Variants in AGK observed in about 807,000 individuals in gnomAD.
The protein encoded by AGK is acylglycerol kinase, mitochondrial.
Under a neutral mutation model 66.4 loss-of-function variants are expected in AGK, and 52 were observed. The ratio of observed to expected loss-of-function variants is 0.78; its 90% CI spans 0.63 to 0.99. The LOEUF (loss-of-function observed/expected upper bound fraction) is 0.99, where lower values mean the gene tolerates loss of function less well. Among genes scored for constraint, AGK ranks in the 50% least tolerant of loss-of-function variants. The pLI is 0.00. For missense variants in AGK, 451 were observed against 506.6 expected (o/e 0.89, Z 1.05); for synonymous variants, 182 against 181.1 (o/e 1.00, Z -0.04).
At chr7:141,625,479 A>T (rs1796919052) in intron 9 of AGK, among the ~76,000 whole-genome samples, 1 of 152,124 alleles carries the variant, frequency 6.6e-6, no homozygotes, top group South Asian at 2.1e-4. Flanking sequence ...CCTCCTAAGT[A>T]GCTGGGACTA....
intron 9 of AGK, among the ~76,000 whole-genome samples, chr7:141,626,247 A>G (rs1796935585): frequency 1.3e-5 from 2 of 152,336 alleles, no homozygotes; most frequent in South Asian, 4.1e-4. Flanking sequence ...AACAACAATG[A>G]TGGATCATAA....
chr7:141,602,564 G>T (rs573562675), intron 5 of AGK, among the ~76,000 whole-genome samples: 237 of 151,610 alleles, frequency 1.6e-3, no homozygotes, highest in African/African-American at 5.4e-3. Flanking sequence ...TTGTTTATTT[G>T]TACCCTCTCT....
At chr7:141,553,730 G>A (rs1201613575) in intron 1 of AGK, among the ~76,000 whole-genome samples, 1 of 152,112 alleles carries the variant, frequency 6.6e-6, no homozygotes, top group Non-Finnish European at 1.5e-5. Context: ...TCAGCCTGAC[G>A]GTGTATGGGA....
At chr7:141,642,267 C>G (rs1797308028) in intron 13 of AGK, among the ~76,000 whole-genome samples, 1 of 152,134 alleles carries the variant, frequency 6.6e-6, no homozygotes, top group South Asian at 2.1e-4. Context: ...ATTTTTGTGA[C>G]TGTACTAAAT....
In AGK at chr7:141,649,611, G is replaced by A. The variant is rs549966140; in HGVS notation, c.1046+278G>A. On this transcript the variant is annotated intron_variant, in intron 14 of 15. Transcript: ENST00000649286. Reference sequence around the variant, plus strand: ...AGCATGACACAGCGTCAAGAACTTTGGTTTCAGGGTCAAAGAGCTGAATGC... The same window carrying A: ...AGCATGACACAGCGTCAAGAACTTTAGTTTCAGGGTCAAAGAGCTGAATGC... Among the ~76,000 whole-genome samples the A allele has an allele frequency of 5.3e-5, 8 of 152,308 alleles. No individual in the cohort carries two copies. In the East Asian group the frequency reaches 1.5e-3, roughly 29 times the overall value.
At chr7:141,643,274 G>C (rs1797329563) in intron 13 of AGK, among the ~76,000 whole-genome samples, 1 of 152,094 alleles carries the variant, frequency 6.6e-6, no homozygotes, top group South Asian at 2.1e-4. Context: ...AAAGTAGTAG[G>C]GTAAATGGCA....
chr7:141,648,539 G>A (rs1797471700), intron 13 of AGK, among the ~76,000 whole-genome samples: 1 of 152,120 alleles, frequency 6.6e-6, no homozygotes, highest in African/African-American at 2.4e-5. Flanking sequence ...TGAACATTTT[G>A]AACCTACCCC....
At chr7:141,560,817 G>A (rs1466558769) in intron 2 of AGK, among the ~76,000 whole-genome samples, 4 of 112,748 alleles carry the variant, frequency 3.5e-5, no homozygotes, top group Non-Finnish European at 5.4e-5. Context: ...TTTTTTTTGA[G>A]CCGGAGTCTC....
intron 2 of AGK, among the ~76,000 whole-genome samples, chr7:141,592,780 T>C (rs902036992): frequency 2.0e-5 from 3 of 152,202 alleles, no homozygotes; most frequent in Admixed American, 2.0e-4. Flanking sequence ...CTCAGCTCAC[T>C]GCAACCTCTG....
chr7:141,564,408 AAGG>A (rs781015763), intron 2 of AGK, among the ~76,000 whole-genome samples: 30 of 152,186 alleles, frequency 2.0e-4, no homozygotes, highest in Non-Finnish European at 3.7e-4. Flanking sequence ...TGATGACAGC[AAGG>A]AGAAGTGCTG....
chr7:141,564,800 A>G (rs11770487), intron 2 of AGK, among the ~76,000 whole-genome samples: 71,485 of 151,296 alleles, frequency 0.47, 17,063 homozygotes, highest in East Asian at 0.58. Context: ...CATGATCTCC[A>G]CTCACCACAA....
At chr7:141,632,521 A>G (rs1467933717) in intron 9 of AGK, among the ~76,000 whole-genome samples, 1 of 152,210 alleles carries the variant, frequency 6.6e-6, no homozygotes, top group East Asian at 1.9e-4. Flanking sequence ...TCCACTTTTC[A>G]ACTTCCTGTG....
chr7:141,592,630 T>C (rs1028981745), intron 2 of AGK, among the ~76,000 whole-genome samples: 5 of 152,210 alleles, frequency 3.3e-5, no homozygotes, highest in African/African-American at 1.2e-4. Flanking sequence ...TATGGAAATA[T>C]TTAACACAGA....
intron 2 of AGK, among the ~76,000 whole-genome samples, chr7:141,569,823 TAGG>T (rs1055465488): frequency 1.3e-4 from 20 of 152,224 alleles, no homozygotes; most frequent in Admixed American, 1.1e-3. Flanking sequence ...CACTGTGTCT[TAGG>T]AGCGTGAGAG....
chr7:141,600,844 A>G (rs908473740), intron 4 of AGK, among the ~76,000 whole-genome samples: 3 of 152,144 alleles, frequency 2.0e-5, no homozygotes, highest in Admixed American at 6.6e-5. Flanking sequence ...ACCTGTGTCT[A>G]TCACACAGTA....
chr7:141,568,363 T>G (rs1795512262), intron 2 of AGK, among the ~76,000 whole-genome samples: 1 of 152,176 alleles, frequency 6.6e-6, no homozygotes, highest in East Asian at 1.9e-4. Flanking sequence ...TCCTCGCTCT[T>G]CCCAGCTCTG....
intron 2 of AGK, among the ~76,000 whole-genome samples, chr7:141,563,727 A>G (rs372441418): frequency 1.3e-4 from 20 of 152,138 alleles, no homozygotes; most frequent in African/African-American, 3.9e-4. Flanking sequence ...ACGGCCTTCT[A>G]TTATTCCAGT....
At chr7:141,599,349 C>G (rs1401632419) in intron 4 of AGK, 5 of 151,194 alleles carry the variant, frequency 3.3e-5, no homozygotes, top group African/African-American at 1.2e-4. Context: ...GCTAAAAGTA[C>G]CTAAGGTTTT....
chr7:141,602,816 A>C (rs562951000), intron 5 of AGK, among the ~76,000 whole-genome samples: 1 of 152,122 alleles, frequency 6.6e-6, no homozygotes, highest in East Asian at 1.9e-4. Flanking sequence ...GATCCACTCT[A>C]CTGCTTCAGC....
Sources: allele counts gnomAD v4.1 joint callset (sites outside exome capture counted in the v4.1 genomes callset), GRCh38; gene constraint gnomAD v4.1.1; transcripts MANE v1.5; gene names NCBI Gene and HGNC (gene_info 2026-07-23, HGNC 2026-07-21).